Variants in BTNL9 observed in about 807,000 individuals in gnomAD.
BTNL9 encodes butyrophilin-like protein 9.
BTNL9 carries 45 observed loss-of-function variants against 45.8 expected under a neutral mutation model. That is an observed-to-expected ratio of 0.98 (90% confidence interval 0.77 to 1.26). The LOEUF (loss-of-function observed/expected upper bound fraction) is 1.26. Ranked by LOEUF, BTNL9 falls within the 50% of genes most tolerant of loss-of-function variation. The pLI, the probability that BTNL9 is intolerant of heterozygous loss-of-function variation, is 0.00. For synonymous variants in BTNL9, 346 were observed against 330.8 expected, an observed-to-expected ratio of 1.05 and a Z score of -0.50; for missense variants, 784 against 729.7, an observed-to-expected ratio of 1.07 and a Z score of -0.86.
chr5:181,047,176 C>G (rs75283042), intron 2 of BTNL9, among the ~76,000 whole-genome samples: 28 of 152,068 alleles, frequency 1.8e-4, no homozygotes, highest in African/African-American at 6.8e-4. Context: ...GGGAACCGTG[C>G]GTGCGGAAGA....
In BTNL9 at chr5:181,059,771, C is replaced by T. The variant is rs778161879; in HGVS notation, c.1517C>T (p.Pro506Leu). 9 of 1,610,880 alleles carry T rather than the reference C, an allele frequency of 5.6e-6. No individual in the cohort carries two copies. The highest frequency in any genetic ancestry group is 5.5e-5 in the South Asian group (5 of 90,974). The change falls in exon 11 of 11, where the codon CCG (proline) becomes CTG (leucine). Residue 506 changes from proline (P) to leucine (L), a missense_variant. Transcript: ENST00000327705. ...HPDPLTICPL[P>L]VRGTGVPEEN... is the part of the protein sequence containing the mutation. The stretch of plus-strand genomic sequence containing the variant: ...GATCCCCTGACCATCTGCCCGCTGC[C>T]GGTTAGAGGGACGGGCGTCCCCGAA...
At chr5:181,059,189 G>C (rs919384270) in intron 10 of BTNL9, 48 bp from the exon 11 acceptor site, 2 of 1,437,672 alleles carry the variant, frequency 1.4e-6, no homozygotes, top group African/African-American at 1.5e-5. Context: ...AGACACGGAC[G>C]GGGCCCAGAC....
intron 2 of BTNL9, 24 bp from the exon 3 acceptor site, chr5:181,047,902 TG>T: frequency 6.3e-7 from 1 of 1,594,260 alleles, no homozygotes; most frequent in Non-Finnish European, 8.6e-7. Context: ...GGGTTGCTTT[TG>T]CCTGTTCTGA....
Position 181,053,866 on chromosome 5 carries a change from C to A in BTNL9, c.886+365C>A. On this transcript the variant is annotated intron_variant, in intron 6 of 10. Transcript: ENST00000327705. The surrounding 1 kb of genome is among the most constrained non-coding windows in gnomAD (Gnocchi z 6.5). Reference sequence around the variant, plus strand: ...GCGCACAGGGAGTCGGGCGGATGCGCAACATCTCCGCACAGGGTCAGGAAG... The same window carrying A: ...GCGCACAGGGAGTCGGGCGGATGCGAAACATCTCCGCACAGGGTCAGGAAG... 6.6e-7 allele frequency: 1 copy of A among 1,506,766 alleles called. No individual in the cohort carries two copies. Among genetic ancestry groups the A allele is most frequent in the Non-Finnish European group, 8.9e-7 (1 of 1,128,318 alleles). The allele number at this position is 1,506,766 out of a possible 1,614,324, so 93.3% of individuals were successfully genotyped here. A position where few individuals can be genotyped will look rare whatever the true frequency, so the allele number is the denominator to read the frequency against.
rs1157072078 is a variant in BTNL9 at position 181,042,673 on chromosome 5, C to T, written c.-24+2241C>T. On this transcript the variant is annotated intron_variant, in intron 1 of 10. Coordinates refer to ENST00000327705, the MANE Select transcript of BTNL9 (RefSeq NM_152547.5). The surrounding 1 kb of genome is among the most constrained non-coding windows in gnomAD (Gnocchi z 4.5). ...GGGACCAGGTACCTGTTCCTCCTGG[C>T]TCAGAAGATGCTCTTGACAAAGTCT... 6.6e-6 allele frequency among the ~76,000 whole-genome samples: 1 copy of T among 152,144 alleles called. No individual in the cohort carries two copies. The highest frequency in any genetic ancestry group is 2.4e-5 in the African/African-American group (1 of 41,420).
chr5:181,042,159 G>A lies in BTNL9; in HGVS notation c.-24+1727G>A, dbSNP rs889167880. Among the ~76,000 whole-genome samples the A allele has an allele frequency of 6.6e-6, 1 of 152,144 alleles. No homozygotes were observed. The highest frequency in any genetic ancestry group is 1.5e-5 in the Non-Finnish European group (1 of 68,016). ...GAAGAAAGAAATGGGCTTTTGCTGG[G>A]TGCAGGCAGTGACATTTCTCAGGAC... On this transcript the variant is annotated intron_variant, in intron 1 of 10. Coordinates refer to ENST00000327705, the MANE Select transcript of BTNL9 (RefSeq NM_152547.5). The surrounding 1 kb of genome is among the most constrained non-coding windows in gnomAD (Gnocchi z 4.5).
In BTNL9 at chr5:181,053,393, A is replaced by G. The variant is rs780492903; in HGVS notation, c.854-76A>G. 567 of 1,529,200 alleles carry G rather than the reference A, an allele frequency of 3.7e-4. 1 individual carries two copies. The highest frequency in any genetic ancestry group is 8.0e-4 in the South Asian group (65 of 81,012). The allele number at this position is 1,529,200 out of a possible 1,614,324, so 94.7% of individuals were successfully genotyped here. ...CGGGGCCGCGGAGGCGCCTCCCCCCAGGACGCGGCGCGGGAAGGCGGCCTG... is the reference window on the plus strand; with the variant it reads ...CGGGGCCGCGGAGGCGCCTCCCCCCGGGACGCGGCGCGGGAAGGCGGCCTG... On this transcript the variant is annotated intron_variant, in intron 5 of 10. Transcript: ENST00000327705. The surrounding 1 kb of genome is among the most constrained non-coding windows in gnomAD (Gnocchi z 6.5).
intron 2 of BTNL9, 144 bp from the exon 3 acceptor site, chr5:181,047,782 AG>A: frequency 1.2e-6 from 1 of 803,302 alleles, no homozygotes; most frequent in Non-Finnish European, 1.9e-6. Flanking sequence ...TACTTGTTCA[AG>A]GATCTAGGCC....
chr5:181,050,103 C>T lies in BTNL9; in HGVS notation c.470C>T (p.Pro157Leu). Residue 157 changes from proline to leucine, a missense_variant, in exon 4 of 11, where the codon CCT (proline) becomes CTT (leucine). Coordinates refer to ENST00000327705, the MANE Select transcript of BTNL9 (RefSeq NM_152547.5). The surrounding 1 kb of genome is among the most constrained non-coding windows in gnomAD (Gnocchi z 4.9). ...CCTCCACCAGGGCTGGGCTCAGACCCTCACCTCTCCCTTGAGGGCTTCAAG... is the reference window on the plus strand; with the variant it reads ...CCTCCACCAGGGCTGGGCTCAGACCTTCACCTCTCCCTTGAGGGCTTCAAG... ...ELEVAGLGSD[P>L]HLSLEGFKEG... The T allele has an allele frequency of 6.2e-7, 1 of 1,613,804 alleles. No individual in the cohort carries two copies. Among genetic ancestry groups the T allele is most frequent in the Non-Finnish European group, 8.5e-7 (1 of 1,179,946 alleles).
At chr5:181,058,077 CTT>C (rs1488172343) in intron 9 of BTNL9, among the ~76,000 whole-genome samples, 2 of 152,202 alleles carry the variant, frequency 1.3e-5, no homozygotes, top group African/African-American at 4.8e-5. Flanking sequence ...TATAGAGTCT[CTT>C]TACCTACATG....
In BTNL9 at chr5:181,055,390, C is replaced by G. The variant is rs145688786; in HGVS notation, c.908-43C>G. Reference sequence around the variant, plus strand: ...GGCCTGTCTTGGGAAGATGGTTCCACCCACCTGCAGGCTGAAGTTTTCTTT... The same window carrying G: ...GGCCTGTCTTGGGAAGATGGTTCCAGCCACCTGCAGGCTGAAGTTTTCTTT... On this transcript the variant is annotated intron_variant, in intron 7 of 10. Coordinates refer to ENST00000327705, the MANE Select transcript of BTNL9 (RefSeq NM_152547.5). The surrounding 1 kb of genome is among the most constrained non-coding windows in gnomAD (Gnocchi z 4.4). 20,171 of 1,614,022 alleles carry G rather than the reference C, an allele frequency of 0.012. 190 individuals are homozygous for G. Among genetic ancestry groups the G allele is most frequent in the Non-Finnish European group, 0.016 (18,453 of 1,180,000 alleles).
chr5:181,056,605 A>T, intron 9 of BTNL9: 2 of 717,340 alleles, frequency 2.8e-6, no homozygotes, highest in Non-Finnish European at 5.2e-6. Flanking sequence ...CCACAACAAC[A>T]CTGAATGCAT....
At position 181,061,260 on chromosome 5, in the gene BTNL9, T is replaced by C. The variant is rs1053110; in HGVS notation, c.*1398T>C. ...AAAGAAAGAGACAAGTCAAATGTAG[T>C]AAAATGACAACACTTGGTGACTCTA... On this transcript the variant is annotated 3_prime_UTR_variant, in exon 11 of 11. Coordinates refer to ENST00000327705, the MANE Select transcript of BTNL9 (RefSeq NM_152547.5). 0.58 allele frequency: 88,003 copies of C among 152,020 alleles called. 25,761 individuals carry two copies. The highest frequency in any genetic ancestry group is 0.7 in the South Asian group (3,351 of 4,820). The allele number at this position is 152,020 out of a possible 1,614,324, so 9.4% of individuals were successfully genotyped here. A position where few individuals can be genotyped will look rare whatever the true frequency, so the allele number is the denominator to read the frequency against.
rs1762127282 is a variant in BTNL9, at chr5:181,061,316, A to T, written c.*1454A>T. ...CTGGTCGACAGATGTTCATTGTACT[A>T]TCAATGTGGCTTTGCTGTGGGTTTG... On this transcript the variant is annotated 3_prime_UTR_variant, in exon 11 of 11. Coordinates refer to ENST00000327705, the MANE Select transcript of BTNL9 (RefSeq NM_152547.5). 1 of 152,212 alleles carries T rather than the reference A, an allele frequency of 6.6e-6. No individual in the cohort carries two copies. Among genetic ancestry groups the T allele is most frequent in the East Asian group, 1.9e-4 (1 of 5,202 alleles). 9.4% of individuals were successfully genotyped at this position (152,212 alleles called of 1,614,324 possible). A position where few individuals can be genotyped will look rare whatever the true frequency, so the allele number is the denominator to read the frequency against.
intron 4 of BTNL9, among the ~76,000 whole-genome samples, chr5:181,051,254 G>A (rs996000911): frequency 2.0e-5 from 3 of 152,104 alleles, no homozygotes; most frequent in Admixed American, 2.0e-4. Context: ...TTATGAGGCA[G>A]CCACTGAAGG....
In BTNL9 at chr5:181,059,371, G is replaced by GC. The variant is rs1206855224; in HGVS notation, c.1118dup (p.Leu374AlafsTer135). Reference sequence around the variant, plus strand: ...GCAGCGGTTCTCGGAGCAGACGTGCGCGCTGAGCCTGGAGCGGTTCTCCGC... The same window carrying GC: ...GCAGCGGTTCTCGGAGCAGACGTGCGCCGCTGAGCCTGGAGCGGTTCTCCGC... On this transcript the variant is annotated frameshift_variant, in exon 11 of 11. Transcript: ENST00000327705. LOFTEE classifies it low-confidence loss of function (END_TRUNC). 24 of 1,537,738 alleles carry GC rather than the reference G, an allele frequency of 1.6e-5. 1 individual carries two copies. In the South Asian group the frequency reaches 2.8e-4, roughly 18 times the overall value.
intron 3 of BTNL9, among the ~76,000 whole-genome samples, chr5:181,049,541 T>A (rs1385413660): frequency 6.6e-6 from 1 of 152,090 alleles, no homozygotes; most frequent in Non-Finnish European, 1.5e-5. Flanking sequence ...TAGAAGCTGA[T>A]GAGATTGGCC....
At chr5:181,052,205 C>A (rs1221696720) in intron 4 of BTNL9, among the ~76,000 whole-genome samples, 1 of 152,232 alleles carries the variant, frequency 6.6e-6, no homozygotes, top group Non-Finnish European at 1.5e-5. Context: ...CCACTGATGT[C>A]ACTTATAAGC....
In BTNL9 at chr5:181,059,553, G is replaced by C. The variant is rs369136500; in HGVS notation, c.1299G>C (p.Leu433=). ...GLWNGCEYFV[L]APHRVALTLR... The stretch of plus-strand genomic sequence containing the variant: ...GGAACGGCTGCGAGTACTTCGTCCT[G>C]GCCCCGCACCGCGTCGCGCTCACCC... The change falls in exon 11 of 11, where the codon CTG becomes CTC. Residue 433 remains leucine (L), a synonymous_variant. Coordinates refer to ENST00000327705, the MANE Select transcript of BTNL9 (RefSeq NM_152547.5). The C allele has an allele frequency of 8.1e-6, 13 of 1,610,422 alleles. No homozygotes were observed. The highest frequency in any genetic ancestry group is 1.3e-5 in the African/African-American group (1 of 74,884).
Sources: allele counts gnomAD v4.1 joint callset (sites outside exome capture counted in the v4.1 genomes callset), GRCh38; gene constraint gnomAD v4.1.1; non-coding constraint Gnocchi (gnomAD v3.1); transcripts MANE v1.5; gene names NCBI Gene and HGNC (gene_info 2026-07-23, HGNC 2026-07-21).